VPS72: variants seen among roughly 807,000 people sequenced by gnomAD.
VPS72 encodes the protein vacuolar protein sorting 72 homolog.
VPS72 carries 27 observed loss-of-function variants against 38.9 expected under a neutral mutation model. That is an observed-to-expected ratio of 0.69 (90% CI 0.51 to 0.96). The LOEUF (loss-of-function observed/expected upper bound fraction) is 0.96, where lower values mean the gene tolerates loss of function less well. Among genes scored for constraint, VPS72 ranks in the 40% least tolerant of loss-of-function variants. The probability of loss-of-function intolerance (pLI) is 0.00; values close to 1 mark genes in which losing one functional copy is unlikely to be tolerated. For synonymous variants in VPS72, 173 were observed against 186.3 expected, an observed-to-expected ratio of 0.93 and a Z score of 0.58; for missense variants, 360 against 479.5, an observed-to-expected ratio of 0.75 and a Z score of 2.33.
intron 1 of VPS72, among the ~76,000 whole-genome samples, chr1:151,187,084 G>T (rs1684367699): frequency 6.6e-6 from 1 of 152,172 alleles, no homozygotes; most frequent in Non-Finnish European, 1.5e-5. Flanking sequence ...GAGGGGTAAT[G>T]GTATGTACAA....
chr1:151,186,916 A>G (rs1684363818), intron 1 of VPS72, among the ~76,000 whole-genome samples: 2 of 152,330 alleles, frequency 1.3e-5, no homozygotes, highest in African/African-American at 4.8e-5. Flanking sequence ...GTGATTCTCA[A>G]TCCCCTCCAT....
Position 151,185,796 on chromosome 1 carries a change from A to G in VPS72, c.270+2T>C. 4 of 1,614,100 alleles carry G rather than the reference A, an allele frequency of 2.5e-6. No individual in the cohort carries two copies. Among genetic ancestry groups the G allele is most frequent in the Non-Finnish European group, 3.4e-6 (4 of 1,180,010 alleles). ...CCAAGACAACTAGGACTCCCCCTGT[A>G]CCTTATAGGCCTTGGTGACTACTCG... On this transcript the variant is annotated splice_donor_variant, in intron 2 of 5. Coordinates refer to ENST00000368892, the MANE Select transcript of VPS72 (RefSeq NM_005997.3). LOFTEE classifies it high-confidence loss of function.
chr1:151,184,762 T>C (rs944180751), intron 3 of VPS72, among the ~76,000 whole-genome samples: 2 of 151,918 alleles, frequency 1.3e-5, no homozygotes, highest in Non-Finnish European at 2.9e-5. Flanking sequence ...ATTTTTTGTA[T>C]TTTTAGTAGA....
chr1:151,178,227 A>G, intron 4 of VPS72, 82 bp from the exon 5 acceptor site: 5 of 1,475,952 alleles, frequency 3.4e-6, no homozygotes, highest in Non-Finnish European at 3.6e-6. Context: ...CGATCTCTCA[A>G]TTATCTTCCT....
chr1:151,189,601 T>C (rs1349351524), intron 1 of VPS72, among the ~76,000 whole-genome samples: 1 of 152,170 alleles, frequency 6.6e-6, no homozygotes, highest in Admixed American at 6.5e-5. Flanking sequence ...GAGCGGTTCC[T>C]TTCCATGTCT....
intron 4 of VPS72, 138 bp downstream of exon 4, chr1:151,184,179 C>T: frequency 8.6e-7 from 1 of 1,168,792 alleles, no homozygotes; most frequent in South Asian, 1.5e-5. Context: ...CACCTAATTA[C>T]CTACTCTCCG....
chr1:151,184,590 C>CTT (rs760266564), intron 3 of VPS72, 97 bp from the exon 4 acceptor site: 1,932 of 1,011,042 alleles, frequency 1.9e-3, no homozygotes, highest in Non-Finnish European at 2.1e-3. Flanking sequence ...ATTTTTTTTT[C>CTT]TTTTTTTTTT....
Position 151,176,567 on chromosome 1 carries a change from A to G in VPS72, c.*77T>C. The G allele has an allele frequency of 6.5e-7, 1 of 1,544,358 alleles. No homozygotes were observed. Among genetic ancestry groups the G allele is most frequent in the African/African-American group, 1.4e-5 (1 of 72,692 alleles). ...GCAAAGATCAGAGATGACAAAGGGG[A>G]GAAGCAGGGAGAAGAAACGGAACAG... On this transcript the variant is annotated 3_prime_UTR_variant, in exon 6 of 6. Coordinates refer to ENST00000368892, the MANE Select transcript of VPS72 (RefSeq NM_005997.3).
At chr1:151,187,011 T>G (rs1684366002) in intron 1 of VPS72, among the ~76,000 whole-genome samples, 1 of 152,134 alleles carries the variant, frequency 6.6e-6, no homozygotes, top group African/African-American at 2.4e-5. Context: ...TCAGGCGTGT[T>G]GGGACAGAAA....
In VPS72 at chr1:151,182,334, ACTTT is replaced by A. The variant is rs1684258727; in HGVS notation, c.562+1979_562+1982del. Reference sequence around the variant, plus strand: ...GTGAGCCACGGCGCCCGGCCACCACACTTTCTTTCTCCCTTCCCCCATCTGAAGC... The same window carrying A: ...GTGAGCCACGGCGCCCGGCCACCACACTTTCTCCCTTCCCCCATCTGAAGC... On this transcript the variant is annotated intron_variant, in intron 4 of 5. Transcript: ENST00000368892. Among the ~76,000 whole-genome samples, 3 of 151,930 alleles carry A rather than the reference ACTTT, an allele frequency of 2.0e-5. No individual in the cohort carries two copies. In the East Asian group the frequency reaches 5.8e-4, roughly 29 times the overall value.
At chr1:151,177,904 A>T in intron 5 of VPS72, 97 bp downstream of exon 5, 1 of 1,379,110 alleles carries the variant, frequency 7.3e-7, no homozygotes, top group South Asian at 1.4e-5. Context: ...AGAAATCTCC[A>T]AGTGTTAAGG....
chr1:151,177,387 C>CAAAAAAAAA (rs11350080), intron 5 of VPS72, among the ~76,000 whole-genome samples: 1 of 102,910 alleles, frequency 9.7e-6, no homozygotes, highest in Non-Finnish European at 2.0e-5. Context: ...GACTCCATCT[C>CAAAAAAAAA]AAAAAAAAAA....
intron 4 of VPS72, among the ~76,000 whole-genome samples, chr1:151,180,521 TC>T (rs1044413906): frequency 6.6e-6 from 1 of 151,254 alleles, no homozygotes; most frequent in African/African-American, 2.4e-5. Flanking sequence ...CCCTGCAACC[TC>T]CCCCTCCCAG....
intron 1 of VPS72, 100 bp from the exon 2 acceptor site, chr1:151,186,050 C>A: frequency 7.0e-7 from 1 of 1,426,020 alleles, no homozygotes; most frequent in African/African-American, 1.4e-5. Context: ...GGCTGCCCTA[C>A]TCTCCTTCCT....
chr1:151,188,271 C>T (rs1237124992), intron 1 of VPS72, among the ~76,000 whole-genome samples: 1 of 151,984 alleles, frequency 6.6e-6, no homozygotes, highest in Non-Finnish European at 1.5e-5. Flanking sequence ...CTCCTGACCT[C>T]GTGATCCACC....
chr1:151,182,536 C>G (rs1194845090), intron 4 of VPS72, among the ~76,000 whole-genome samples: 2 of 152,112 alleles, frequency 1.3e-5, no homozygotes, highest in Non-Finnish European at 2.9e-5. Context: ...AATCTCACAC[C>G]CCTCTGTAGC....
intron 1 of VPS72, among the ~76,000 whole-genome samples, chr1:151,189,264 A>G (rs1684412413): frequency 1.3e-5 from 2 of 152,204 alleles, no homozygotes; most frequent in Admixed American, 1.3e-4. Flanking sequence ...ACAACCTATT[A>G]CCGATGGCAT....
chr1:151,181,851 A>G (rs189173485), intron 4 of VPS72, among the ~76,000 whole-genome samples: 7 of 152,286 alleles, frequency 4.6e-5, no homozygotes, highest in African/African-American at 1.7e-4. Flanking sequence ...AACCTCCGCC[A>G]TGCCCTCCCT....
intron 3 of VPS72, 102 bp from the exon 4 acceptor site, chr1:151,184,595 T>A (rs1684308921): frequency 7.6e-7 from 1 of 1,318,976 alleles, no homozygotes; most frequent in South Asian, 1.6e-5. Context: ...TTTTTCTTTT[T>A]TTTTTTTTGA....
Sources: gnomAD v4.1 joint callset for allele counts (sites outside exome capture counted in the v4.1 genomes callset) on GRCh38, gnomAD v4.1.1 for gene constraint, MANE v1.5 for transcripts, NCBI Gene and HGNC (gene_info 2026-07-23, HGNC 2026-07-21) for gene names.